Variants in PPP4R2 observed in about 807,000 individuals in gnomAD.
PPP4R2 encodes the protein protein phosphatase 4 regulatory subunit 2, also known as serine/threonine-protein phosphatase 4 regulatory subunit 2.
Under a neutral mutation model 47.2 loss-of-function variants are expected in PPP4R2, and 13 were observed. The observed-to-expected ratio is 0.28, with a 90% CI of 0.18 to 0.44. The LOEUF (loss-of-function observed/expected upper bound fraction) is 0.44, where lower values mean the gene tolerates loss of function less well. Among genes scored for constraint, PPP4R2 ranks in the 20% least tolerant of loss-of-function variants. The pLI is 1.00. For missense variants in PPP4R2, 421 were observed against 491.2 expected (o/e 0.86, Z 1.35); for synonymous variants, 151 against 163.3 (o/e 0.92, Z 0.57).
At chr3:73,062,461 T>G in intron 5 of PPP4R2, 1 of 1,612,706 alleles carries the variant, frequency 6.2e-7, no homozygotes, top group Non-Finnish European at 8.5e-7. Context: ...CCAAGTTTAG[T>G]ATTCTTGTGT....
At chr3:73,047,484 TGTA>T (rs1702507978) in intron 3 of PPP4R2, 128 bp downstream of exon 3, 4 of 559,086 alleles carry the variant, frequency 7.2e-6, no homozygotes, top group Non-Finnish European at 1.2e-5. Flanking sequence ...TCTAGTGACA[TGTA>T]GTAGTTGATG....
intron 2 of PPP4R2, among the ~76,000 whole-genome samples, chr3:73,007,510 C>G (rs1384859234): frequency 1.3e-5 from 2 of 151,292 alleles, no homozygotes; most frequent in Non-Finnish European, 2.9e-5. Context: ...CAGAGTCTCA[C>G]TCTGTCACCC....
chr3:73,063,053 AT>A (rs1387055921), intron 5 of PPP4R2: 17 of 767,560 alleles, frequency 2.2e-5, no homozygotes, highest in Non-Finnish European at 3.2e-5. Context: ...TTGGGGAAAT[AT>A]TTTGAGTTTG....
rs200718150 is a variant in PPP4R2 at position 73,062,596 on chromosome 3, C to T, written c.420-1077C>T. The T allele has an allele frequency of 2.3e-3, 3,686 of 1,613,966 alleles. 92 individuals carry two copies. In the South Asian group the frequency reaches 0.038, roughly 17 times the overall value. On this transcript the variant is annotated intron_variant, in intron 5 of 8. Transcript: ENST00000356692. ...TATGCTAGCAGATTCAAAGATATGC[C>T]TAACTTTATTGCCCTTGAGAAGTCA... is the stretch of plus-strand genomic sequence containing the variant.
Position 73,068,940 on chromosome 3 carries a change from G to T in PPP4R2, c.*3218G>T. ...AACATTGGTTTTGATGAAGGTGAGG[G>T]TCAGTTCTCAAGATTTGTGCTAATC... On this transcript the variant is annotated 3_prime_UTR_variant, in exon 9 of 9. Coordinates refer to ENST00000356692, the MANE Select transcript of PPP4R2 (RefSeq NM_174907.4). 1 of 152,012 alleles carries T rather than the reference G, an allele frequency of 6.6e-6. No homozygotes were observed. The highest frequency in any genetic ancestry group is 1.5e-5 in the Non-Finnish European group (1 of 68,024). 9.4% of individuals were successfully genotyped at this position (152,012 alleles called of 1,614,324 possible). A position where few individuals can be genotyped will look rare whatever the true frequency, so the allele number is the denominator to read the frequency against.
At chr3:73,065,351 A>G (rs775288855) in intron 8 of PPP4R2, 46 bp from the exon 9 acceptor site, 212 of 1,510,560 alleles carry the variant, frequency 1.4e-4, no homozygotes, top group Non-Finnish European at 1.8e-4. Flanking sequence ...CTGTGGAGGT[A>G]TTTTGAAAAT....
chr3:73,032,384 G>A (rs541668561), intron 2 of PPP4R2, among the ~76,000 whole-genome samples: 1 of 151,758 alleles, frequency 6.6e-6, no homozygotes, highest in Non-Finnish European at 1.5e-5. Context: ...CAACTCCCTG[G>A]TTCAAGCGAT....
intron 2 of PPP4R2, among the ~76,000 whole-genome samples, chr3:73,005,458 T>A (rs919542415): frequency 7.9e-5 from 12 of 152,098 alleles, no homozygotes; most frequent in African/African-American, 2.9e-4. Flanking sequence ...TTGGTTTTTT[T>A]GTTGGGGAGG....
chr3:73,006,783 T>G (rs1701618972), intron 2 of PPP4R2, among the ~76,000 whole-genome samples: 1 of 152,220 alleles, frequency 6.6e-6, no homozygotes, highest in African/African-American at 2.4e-5. Flanking sequence ...CAGTTTCAGC[T>G]GCTGTTCTCA....
intron 5 of PPP4R2, chr3:73,062,199 T>C (rs1330197936): frequency 2.5e-6 from 4 of 1,576,998 alleles, no homozygotes; most frequent in Non-Finnish European, 3.4e-6. Context: ...AATTAAAGAA[T>C]TAAGTCGGAA....
chr3:73,012,135 T>C (rs1701737836), intron 2 of PPP4R2, among the ~76,000 whole-genome samples: 1 of 152,204 alleles, frequency 6.6e-6, no homozygotes, highest in Admixed American at 6.5e-5. Flanking sequence ...TGTAAAGTGG[T>C]ATAATATTTG....
At position 73,062,881 on chromosome 3, in the gene PPP4R2, A is replaced by G. The variant is rs757476488; in HGVS notation, c.420-792A>G. The stretch of plus-strand genomic sequence containing the variant: ...GGAGACTTTGAATCCCCTCTACACA[A>G]GCTACGCAAGTCAAGTTAGTTGCCA... On this transcript the variant is annotated intron_variant, in intron 5 of 8. Transcript: ENST00000356692. 1.2e-5 allele frequency: 20 copies of G among 1,611,848 alleles called. No homozygotes were observed. Among genetic ancestry groups the G allele is most frequent in the Non-Finnish European group, 1.6e-5 (19 of 1,179,316 alleles).
In PPP4R2 at chr3:73,065,837, A is replaced by G. The variant is rs1310904519; in HGVS notation, c.*115A>G. ...TTTTACAAGAGAAGCAGGTTGTAAA[A>G]TAAAGTACTTTATGGATAATTCCTG... On this transcript the variant is annotated 3_prime_UTR_variant, in exon 9 of 9. Transcript: ENST00000356692. The G allele has an allele frequency of 6.1e-5, 41 of 669,454 alleles. No individual in the cohort carries two copies. The highest frequency in any genetic ancestry group is 9.4e-5 in the Non-Finnish European group (38 of 403,332). The allele number at this position is 669,454 out of a possible 1,614,324, so 41.5% of individuals were successfully genotyped here.
rs3087299 is a variant in PPP4R2 at position 73,068,369 on chromosome 3, G to GATATAT, written c.*2658_*2663dup. Reference sequence around the variant, plus strand: ...TTGAAGATGGTGATGAGGAAAGTGAGATATATATATATATATGTATTATGT... The same window carrying GATATAT: ...TTGAAGATGGTGATGAGGAAAGTGAGATATATATATATATATATATATGTATTATGT... On this transcript the variant is annotated 3_prime_UTR_variant, in exon 9 of 9. Coordinates refer to ENST00000356692, the MANE Select transcript of PPP4R2 (RefSeq NM_174907.4). The GATATAT allele has an allele frequency of 2.0e-5, 3 of 149,702 alleles. No individual in the cohort carries two copies. Among genetic ancestry groups the GATATAT allele is most frequent in the African/African-American group, 7.3e-5 (3 of 40,940 alleles). The allele number at this position is 149,702 out of a possible 1,614,324, so 9.3% of individuals were successfully genotyped here. A position where few individuals can be genotyped will look rare whatever the true frequency, so the allele number is the denominator to read the frequency against.
In PPP4R2 at chr3:73,068,533, T is replaced by G. The variant is rs1020550047; in HGVS notation, c.*2811T>G. The stretch of plus-strand genomic sequence containing the variant: ...TGATTATTAGATAAATTTAACCTGC[T>G]TAGGGTTTATTGTAACTACACCTTT... On this transcript the variant is annotated 3_prime_UTR_variant, in exon 9 of 9. Coordinates refer to ENST00000356692, the MANE Select transcript of PPP4R2 (RefSeq NM_174907.4). 1.3e-5 allele frequency: 2 copies of G among 152,214 alleles called. No individual in the cohort carries two copies. Among genetic ancestry groups the G allele is most frequent in the African/African-American group, 4.8e-5 (2 of 41,446 alleles). 9.4% of individuals were successfully genotyped at this position (152,214 alleles called of 1,614,324 possible).
chr3:73,053,799 C>T (rs1020480378), intron 3 of PPP4R2, among the ~76,000 whole-genome samples: 3 of 150,276 alleles, frequency 2.0e-5, no homozygotes, highest in African/African-American at 7.3e-5. Flanking sequence ...GTCCCAGCTA[C>T]TCGGGAGGCT....
At chr3:73,054,154 G>T (rs1461571965) in intron 3 of PPP4R2, among the ~76,000 whole-genome samples, 1 of 152,102 alleles carries the variant, frequency 6.6e-6, no homozygotes, top group Non-Finnish European at 1.5e-5. Context: ...CTGACCTCAG[G>T]TGATCCACCC....
At chr3:73,050,599 G>T (rs943980052) in intron 3 of PPP4R2, among the ~76,000 whole-genome samples, 2 of 152,072 alleles carry the variant, frequency 1.3e-5, no homozygotes, top group African/African-American at 4.8e-5. Flanking sequence ...GTATGTTCAC[G>T]CTTTTAAAAA....
rs577432481 is a variant in PPP4R2 at position 73,010,294 on chromosome 3, C to T, written c.116+12136C>T. ...CTGGAGTACAGTGGTGCCATCATGGCCCACTGCAGCCTTGACCTCCCGGGC... is the reference window on the plus strand; with the variant it reads ...CTGGAGTACAGTGGTGCCATCATGGTCCACTGCAGCCTTGACCTCCCGGGC... On this transcript the variant is annotated intron_variant, in intron 2 of 8. Coordinates refer to ENST00000356692, the MANE Select transcript of PPP4R2 (RefSeq NM_174907.4). 2.0e-5 allele frequency among the ~76,000 whole-genome samples: 3 copies of T among 152,204 alleles called. No homozygotes were observed. The East Asian group carries it at 5.8e-4, about 29-fold the overall frequency.
Sources: allele counts gnomAD v4.1 joint callset (sites outside exome capture counted in the v4.1 genomes callset), GRCh38; gene constraint gnomAD v4.1.1; transcripts MANE v1.5; gene names NCBI Gene and HGNC (gene_info 2026-07-23, HGNC 2026-07-21).